Variants in TEAD1 observed in about 807,000 individuals in gnomAD.
The protein encoded by TEAD1 is TEA domain transcription factor 1.
In TEAD1, 9 loss-of-function variants were observed where a neutral mutation model predicts 54.9. That is an observed-to-expected ratio of 0.16 (90% CI 0.10 to 0.29). The LOEUF (loss-of-function observed/expected upper bound fraction) is 0.29. Ranked by LOEUF, TEAD1 falls within the 10% of genes least tolerant of loss-of-function variation. The pLI is 1.00. For synonymous variants in TEAD1, 200 were observed against 187.8 expected (o/e 1.07, Z -0.53); for missense variants, 387 against 535.9 (o/e 0.72, Z 2.74).
chr11:12,916,230 T>C (rs187602226), intron 10 of TEAD1, among the ~76,000 whole-genome samples: 2 of 152,316 alleles, frequency 1.3e-5, no homozygotes, highest in African/African-American at 2.4e-5. Flanking sequence ...TGAGCTGTTA[T>C]ACTCAATACG....
At chr11:12,740,724 C>T (rs1400597672) in intron 2 of TEAD1, among the ~76,000 whole-genome samples, 1 of 152,084 alleles carries the variant, frequency 6.6e-6, no homozygotes, top group Non-Finnish European at 1.5e-5. Context: ...GGTAACTGCC[C>T]CCTGCCCCGT....
Position 12,941,825 on chromosome 11 carries a change from A to T in TEAD1, c.*4603A>T, listed in dbSNP as rs547980354. On this transcript the variant is annotated 3_prime_UTR_variant, in exon 13 of 13. Transcript: ENST00000527636. ...TGGAAGCATTTCTCTTACTACTGTT[A>T]CTTTTGTAGGAAGTTTTCAATTCAG... 1 of 152,736 alleles carries T rather than the reference A, an allele frequency of 6.5e-6. No homozygotes were observed. The highest frequency in any genetic ancestry group is 1.5e-5 in the Non-Finnish European group (1 of 68,020). The allele number at this position is 152,736 out of a possible 1,614,324, so 9.5% of individuals were successfully genotyped here.
intron 2 of TEAD1, among the ~76,000 whole-genome samples, chr11:12,710,808 C>T (rs1053120435): frequency 6.6e-6 from 1 of 151,938 alleles, no homozygotes; most frequent in African/African-American, 2.4e-5. Context: ...GTTGTTGTGA[C>T]ACGTGAGTTA....
chr11:12,718,570 G>A (rs1944113660), intron 2 of TEAD1, among the ~76,000 whole-genome samples: 1 of 151,848 alleles, frequency 6.6e-6, no homozygotes, highest in South Asian at 2.1e-4. Flanking sequence ...AAGACATTTC[G>A]ATGTACCGTT....
chr11:12,881,381 CCT>C (rs1280337546), intron 7 of TEAD1, among the ~76,000 whole-genome samples: 1 of 152,154 alleles, frequency 6.6e-6, no homozygotes, highest in East Asian at 1.9e-4. Flanking sequence ...CACAGGTGAT[CCT>C]CTAGCCCATT....
Position 12,840,246 on chromosome 11 carries a change from C to CA in TEAD1, c.203-21988dup, listed in dbSNP as rs1176865272. Among the ~76,000 whole-genome samples the CA allele has an allele frequency of 6.4e-3, 202 of 31,520 alleles. 6 individuals carry two copies. Among genetic ancestry groups the CA allele is most frequent in the South Asian group, 0.011 (8 of 740 alleles). 20.7% of individuals were successfully genotyped at this position (31,520 alleles called of 152,430 possible). A position where few individuals can be genotyped will look rare whatever the true frequency, so the allele number is the denominator to read the frequency against. On this transcript the variant is annotated intron_variant, in intron 3 of 12. Coordinates refer to ENST00000527636, the MANE Select transcript of TEAD1 (RefSeq NM_021961.6). ...TGGGCGACAGAGCGAGACTCTGCCT[C>CA]AAAAAAAAAAAAAAAAGAAAAAAAA...
chr11:12,682,971 C>T (rs1326674626), intron 2 of TEAD1, among the ~76,000 whole-genome samples: 1 of 152,030 alleles, frequency 6.6e-6, no homozygotes, highest in East Asian at 1.9e-4. Flanking sequence ...ATGTTGCATG[C>T]GCTCACCAAA....
chr11:12,781,965 A>AG lies in TEAD1; in HGVS notation c.202+17531_202+17532insG, dbSNP rs1399079587. Among the ~76,000 whole-genome samples the AG allele has an allele frequency of 3.9e-4, 55 of 141,930 alleles. No homozygotes were observed. The East Asian group carries it at 7.2e-3, about 18-fold the overall frequency. The allele number at this position is 141,930 out of a possible 152,430, so 93.1% of individuals were successfully genotyped here. ...CCTCGTCTGTACAAAAAAAAAAAAA[A>AG]AAAAAAGAAAGAAAAAAAGAAAAAG... is the stretch of plus-strand genomic sequence containing the variant. On this transcript the variant is annotated intron_variant, in intron 3 of 12. Transcript: ENST00000527636.
In TEAD1 at chr11:12,925,031, G is replaced by A. The variant is rs1165777772; in HGVS notation, c.993G>A (p.Lys331=). The A allele has an allele frequency of 1.9e-6, 3 of 1,614,162 alleles. No homozygotes were observed. The highest frequency in any genetic ancestry group is 1.7e-5 in the Admixed American group (1 of 60,020). The change falls in exon 11 of 13, where the codon AAG becomes AAA. Residue 331 remains lysine (K), a synonymous_variant. Coordinates refer to ENST00000527636, the MANE Select transcript of TEAD1 (RefSeq NM_021961.6). ...CCACCAAAGTTTGCTCCTTTGGGAA[G>A]CAAGTAGTAGAAAAAGTAGAGGTAA...
At chr11:12,814,845 G>A (rs1172286292) in intron 3 of TEAD1, among the ~76,000 whole-genome samples, 8 of 148,112 alleles carry the variant, frequency 5.4e-5, no homozygotes, top group Non-Finnish European at 9.0e-5. Context: ...GTGTGTCCCC[G>A]TCCGTCCCGA....
intron 10 of TEAD1, among the ~76,000 whole-genome samples, chr11:12,908,883 G>GTTTTTGTTTTTTTT (rs769023879): frequency 1.0e-5 from 1 of 99,662 alleles, no homozygotes; most frequent in African/African-American, 3.2e-5. Flanking sequence ...CAAATTATCT[G>GTTTTTGTTTTTTTT]TTTTTTTTTT....
At chr11:12,705,629 G>T (rs554079821) in intron 2 of TEAD1, among the ~76,000 whole-genome samples, 247 of 152,330 alleles carry the variant, frequency 1.6e-3, no homozygotes, top group Admixed American at 4.0e-3. Flanking sequence ...AGGTAAGATT[G>T]CAGGAATGAT....
chr11:12,815,650 T>G (rs994326350), intron 3 of TEAD1, among the ~76,000 whole-genome samples: 2 of 152,244 alleles, frequency 1.3e-5, no homozygotes, highest in Admixed American at 6.5e-5. Context: ...TGATGACGAT[T>G]GGACTAAATT....
intron 3 of TEAD1, among the ~76,000 whole-genome samples, chr11:12,778,016 A>G (rs1166616567): frequency 2.0e-5 from 3 of 152,332 alleles, no homozygotes; most frequent in Admixed American, 6.5e-5. Context: ...AATTTTTGCA[A>G]TAATGAATAT....
intron 2 of TEAD1, among the ~76,000 whole-genome samples, chr11:12,745,077 C>G (rs1944720266): frequency 6.6e-6 from 1 of 152,210 alleles, no homozygotes; most frequent in Non-Finnish European, 1.5e-5. Flanking sequence ...GAGACATGAA[C>G]AGCTCCCTGG....
At chr11:12,878,494 C>T (rs960145085) in intron 5 of TEAD1, among the ~76,000 whole-genome samples, 4 of 152,188 alleles carry the variant, frequency 2.6e-5, no homozygotes, top group African/African-American at 9.7e-5. Flanking sequence ...TATAGACCCT[C>T]TATTGGCACC....
chr11:12,893,967 C>A (rs1281638559), intron 9 of TEAD1, among the ~76,000 whole-genome samples: 2 of 152,134 alleles, frequency 1.3e-5, no homozygotes, highest in Non-Finnish European at 2.9e-5. Flanking sequence ...CAGCCATTCC[C>A]TGTCCCCCCA....
At position 12,937,094 on chromosome 11, in the gene TEAD1, T is replaced by C; in HGVS notation, c.1168-15T>C. On this transcript the variant is annotated splice_polypyrimidine_tract_variant and intron_variant, in intron 12 of 12. Coordinates refer to ENST00000527636, the MANE Select transcript of TEAD1 (RefSeq NM_021961.6). The stretch of plus-strand genomic sequence containing the variant: ...CATCCTTTTGGTATTATATACTTTT[T>C]TTTTATCTTAACAGGTGGTAACAAA... The C allele has an allele frequency of 6.4e-7, 1 of 1,573,896 alleles. No individual in the cohort carries two copies. Among genetic ancestry groups the C allele is most frequent in the Non-Finnish European group, 8.7e-7 (1 of 1,144,464 alleles).
At chr11:12,805,029 A>C (rs1009428762) in intron 3 of TEAD1, among the ~76,000 whole-genome samples, 11 of 152,198 alleles carry the variant, frequency 7.2e-5, no homozygotes, top group Non-Finnish European at 1.6e-4. Context: ...ATTTTGGCTC[A>C]ATTATAAAAA....
Sources: allele counts gnomAD v4.1 joint callset (sites outside exome capture counted in the v4.1 genomes callset), GRCh38; gene constraint gnomAD v4.1.1; transcripts MANE v1.5; gene names NCBI Gene and HGNC (gene_info 2026-07-23, HGNC 2026-07-21).